Variants in DNAH14 observed in about 807,000 individuals in gnomAD.
DNAH14 encodes axonemal beta dynein heavy chain 14.
A neutral mutation model predicts 520.9 loss-of-function variants in DNAH14; 478 were observed. That is an observed-to-expected ratio of 0.92 (90% CI 0.85 to 0.99). The LOEUF is 0.99. Ranked by LOEUF, DNAH14 falls within the 50% of genes least tolerant of loss-of-function variation. DNAH14 has a pLI of 0.00. For missense variants in DNAH14, 4,831 were observed against 5,234.5 expected (o/e 0.92, Z 2.38); for synonymous variants, 1,581 against 1,757.2 (o/e 0.90, Z 2.51).
At chr1:225,385,198 T>C (rs543168747) in intron 81 of DNAH14, among the ~76,000 whole-genome samples, 1 of 152,284 alleles carries the variant, frequency 6.6e-6, no homozygotes, top group South Asian at 2.1e-4. Context: ...CTAAAAACTC[T>C]CAATAAACTA....
intron 36 of DNAH14, among the ~76,000 whole-genome samples, chr1:225,173,329 A>G (rs543028180): frequency 6.4e-4 from 98 of 152,240 alleles, no homozygotes; most frequent in Non-Finnish European, 1.2e-3. Flanking sequence ...GGCAACCTAC[A>G]GAATGGGGGA....
chr1:225,297,592 C>T (rs1384038843), intron 55 of DNAH14, among the ~76,000 whole-genome samples: 1 of 152,146 alleles, frequency 6.6e-6, no homozygotes, highest in African/African-American at 2.4e-5. Context: ...TAGATGGATA[C>T]AGTAGTGTAG....
intron 66 of DNAH14, among the ~76,000 whole-genome samples, chr1:225,336,125 A>G (rs2095047036): frequency 6.7e-6 from 1 of 149,946 alleles, no homozygotes; most frequent in South Asian, 2.1e-4. Context: ...ACACATATGT[A>G]TGTGTATATG....
intron 37 of DNAH14, among the ~76,000 whole-genome samples, chr1:225,185,946 G>GTTTTTT (rs11443248): frequency 7.1e-5 from 7 of 98,768 alleles, no homozygotes; most frequent in East Asian, 6.1e-4. Context: ...ATTACACTTT[G>GTTTTTT]TTTTTTTTTT....
chr1:225,017,883 A>G (rs1389323009), intron 10 of DNAH14, among the ~76,000 whole-genome samples: 1 of 152,194 alleles, frequency 6.6e-6, no homozygotes, highest in Non-Finnish European at 1.5e-5. Flanking sequence ...CAAATACTTG[A>G]GGGCAATAAA....
chr1:224,990,528 C>T (rs2125753711), intron 8 of DNAH14, among the ~76,000 whole-genome samples: 1 of 152,216 alleles, frequency 6.6e-6, no homozygotes, highest in South Asian at 2.1e-4. Flanking sequence ...AGTTTGATTG[C>T]CTGAGATTTT....
At chr1:225,251,044 T>C (rs2092527166) in intron 43 of DNAH14, among the ~76,000 whole-genome samples, 1 of 152,166 alleles carries the variant, frequency 6.6e-6, no homozygotes, top group South Asian at 2.1e-4. Context: ...CCAAGCTAAC[T>C]AATAGAATAG....
intron 17 of DNAH14, among the ~76,000 whole-genome samples, chr1:225,061,107 C>T (rs556133563): frequency 6.6e-6 from 1 of 152,212 alleles, no homozygotes; most frequent in African/African-American, 2.4e-5. Context: ...GCCCTGCCCC[C>T]AGAGGTGGAG....
At chr1:225,086,729 A>T (rs2073850862) in intron 21 of DNAH14, among the ~76,000 whole-genome samples, 1 of 152,162 alleles carries the variant, frequency 6.6e-6, no homozygotes, top group Non-Finnish European at 1.5e-5. Flanking sequence ...AAAAATGAAC[A>T]GCAGAAAAAC....
chr1:224,972,361 T>G (rs2061546910), intron 7 of DNAH14, among the ~76,000 whole-genome samples: 1 of 152,256 alleles, frequency 6.6e-6, no homozygotes, highest in East Asian at 1.9e-4. Context: ...TGGGGTGCAG[T>G]GGTGCGATCT....
At chr1:225,040,549 AT>A (rs1195004657) in intron 12 of DNAH14, among the ~76,000 whole-genome samples, 1 of 152,204 alleles carries the variant, frequency 6.6e-6, no homozygotes, top group Admixed American at 6.5e-5. Flanking sequence ...ACTTAAAAGT[AT>A]TCAATGTCTC....
chr1:225,293,729 G>T (rs1248486984), intron 55 of DNAH14, among the ~76,000 whole-genome samples: 1 of 152,048 alleles, frequency 6.6e-6, no homozygotes, highest in Non-Finnish European at 1.5e-5. Context: ...CTTTATACCT[G>T]GCTGATGAAA....
chr1:225,211,873 AATTTATTT>A (rs201563428), intron 41 of DNAH14, among the ~76,000 whole-genome samples: 3,793 of 147,240 alleles, frequency 0.026, 87 homozygotes, highest in African/African-American at 0.062. Flanking sequence ...TTCAACCCAG[AATTTATTT>A]ATTTATTTAT....
At chr1:225,364,396 C>T (rs886687322) in intron 75 of DNAH14, among the ~76,000 whole-genome samples, 1 of 152,066 alleles carries the variant, frequency 6.6e-6, no homozygotes, top group Admixed American at 6.5e-5. Flanking sequence ...TCTCTTCCCT[C>T]TATTTATTTA....
At chr1:225,365,696 G>A (rs748093093) in intron 76 of DNAH14, among the ~76,000 whole-genome samples, 5 of 151,724 alleles carry the variant, frequency 3.3e-5, no homozygotes, top group Non-Finnish European at 7.4e-5. Context: ...TCTGAGACTC[G>A]AAAGATTCCA....
At chr1:225,000,223 T>G (rs2063663964) in intron 8 of DNAH14, among the ~76,000 whole-genome samples, 2 of 152,186 alleles carry the variant, frequency 1.3e-5, no homozygotes, top group Admixed American at 1.3e-4. Flanking sequence ...TGAAAAACAT[T>G]GTGTGACTTT....
chr1:225,240,614 A>C lies in DNAH14; in HGVS notation c.6540A>C (p.Pro2180=). The change falls in exon 43 of 86, where the codon CCA becomes CCC. Residue 2180 remains proline (P), a synonymous_variant. Transcript: ENST00000682510. The part of the protein sequence containing the change: ...IEKRDENTWY[P]EKNPDKLTKI... ...CCAGGGATGAAAATACATGGTATCC[A>C]GAGAAAAATCCTGATAAATTAACAA... 1 of 1,549,796 alleles carries C rather than the reference A, an allele frequency of 6.5e-7. No individual in the cohort carries two copies. Among genetic ancestry groups the C allele is most frequent in the South Asian group, 1.2e-5 (1 of 83,938 alleles).
intron 10 of DNAH14, among the ~76,000 whole-genome samples, chr1:225,017,625 T>C (rs1342500277): frequency 6.6e-6 from 1 of 152,178 alleles, no homozygotes; most frequent in African/African-American, 2.4e-5. Context: ...CACTGCCACA[T>C]TGGAGTGTTT....
chr1:224,979,591 A>C (rs555215920), intron 8 of DNAH14, among the ~76,000 whole-genome samples: 1 of 152,316 alleles, frequency 6.6e-6, no homozygotes, highest in East Asian at 1.9e-4. Flanking sequence ...AACAAGTCCT[A>C]GTGCTGTTTT....
Sources: allele counts gnomAD v4.1 joint callset (sites outside exome capture counted in the v4.1 genomes callset), GRCh38; gene constraint gnomAD v4.1.1; transcripts MANE v1.5; gene names NCBI Gene and HGNC (gene_info 2026-07-23, HGNC 2026-07-21).